The following PRKG1 variants were observed in gnomAD, a reference collection of about 807,000 sequenced individuals.
PRKG1 encodes protein kinase cGMP-dependent 1, also known as cGMP-dependent protein kinase 1.
PRKG1 carries 35 observed loss-of-function variants against 88.1 expected under a neutral mutation model. The ratio of observed to expected loss-of-function variants is 0.40; its 90% CI spans 0.30 to 0.53. PRKG1 has a LOEUF of 0.53. PRKG1 is among the 20% of genes least tolerant of loss of function. The probability of loss-of-function intolerance (pLI) is 0.59; values close to 1 mark genes in which losing one functional copy is unlikely to be tolerated. For missense variants in PRKG1, 540 were observed against 839.8 expected (o/e 0.64, Z 4.41); for synonymous variants, 303 against 292.5 (o/e 1.04, Z -0.37).
At chr10:51,402,245 G>A (rs1368431647) in intron 2 of PRKG1, among the ~76,000 whole-genome samples, 1 of 152,178 alleles carries the variant, frequency 6.6e-6, no homozygotes, top group Non-Finnish European at 1.5e-5. Flanking sequence ...TATGCTATAA[G>A]TCATAGATTA....
chr10:51,181,937 T>A (rs1457760682), intron 2 of PRKG1, among the ~76,000 whole-genome samples: 1 of 152,238 alleles, frequency 6.6e-6, no homozygotes, highest in Non-Finnish European at 1.5e-5. Context: ...TCATATTTTT[T>A]ACTGAAAAAC....
intron 14 of PRKG1, among the ~76,000 whole-genome samples, chr10:52,284,962 C>T (rs185630353): frequency 6.6e-6 from 1 of 152,164 alleles, no homozygotes; most frequent in East Asian, 1.9e-4. Context: ...AATAAATGAT[C>T]TGGTTATAAG....
intron 3 of PRKG1, among the ~76,000 whole-genome samples, chr10:51,477,939 C>G (rs1017710118): frequency 9.9e-5 from 15 of 152,142 alleles, no homozygotes; most frequent in African/African-American, 3.6e-4. Context: ...ATACCAAAAC[C>G]AAACTACAGG....
At chr10:51,453,464 C>T (rs1839496252) in intron 2 of PRKG1, among the ~76,000 whole-genome samples, 1 of 151,850 alleles carries the variant, frequency 6.6e-6, no homozygotes, top group African/African-American at 2.4e-5. Flanking sequence ...ATGAACTTTC[C>T]CCTTAGCACT....
intron 2 of PRKG1, among the ~76,000 whole-genome samples, chr10:51,334,862 G>A (rs1000102296): frequency 6.6e-6 from 1 of 152,084 alleles, no homozygotes; most frequent in African/African-American, 2.4e-5. Context: ...GTGCCTAAAA[G>A]GGAATGTAGG....
intron 9 of PRKG1, among the ~76,000 whole-genome samples, chr10:52,226,498 G>A (rs1486472018): frequency 1.3e-5 from 2 of 152,044 alleles, no homozygotes; most frequent in East Asian, 3.9e-4. Context: ...CAAAGGTGAT[G>A]TTTTACCAAC....
chr10:52,101,648 C>G (rs1226257041), intron 7 of PRKG1, among the ~76,000 whole-genome samples: 3 of 152,110 alleles, frequency 2.0e-5, no homozygotes, highest in Non-Finnish European at 1.5e-5. Flanking sequence ...TCAGACCAAC[C>G]CTATGAGGTA....
At chr10:51,722,680 C>A (rs1489337661) in intron 3 of PRKG1, among the ~76,000 whole-genome samples, 1 of 152,116 alleles carries the variant, frequency 6.6e-6, no homozygotes, top group African/African-American at 2.4e-5. Flanking sequence ...TCTATTCTTA[C>A]TGGAAAACCA....
chr10:51,167,278 G>A (rs1846573288), intron 2 of PRKG1, among the ~76,000 whole-genome samples: 1 of 151,992 alleles, frequency 6.6e-6, no homozygotes. Flanking sequence ...ATGACAAGAA[G>A]GAACCAAACA....
intron 3 of PRKG1, among the ~76,000 whole-genome samples, chr10:51,572,109 A>G (rs1381060889): frequency 6.6e-6 from 1 of 151,856 alleles, no homozygotes; most frequent in African/African-American, 2.4e-5. Flanking sequence ...AATTTTTTCA[A>G]AAAGCAATTT....
Position 52,010,131 on chromosome 10 carries a change from A to G in PRKG1, c.763-44353A>G, listed in dbSNP as rs565483915. ...AGAATGGGCAAAGATTTCATGACAA[A>G]GACACAAAAAGCAATTGCAAAAAAA... On this transcript the variant is annotated intron_variant, in intron 5 of 17. Transcript: ENST00000373980. Among the ~76,000 whole-genome samples the G allele has an allele frequency of 2.0e-5, 3 of 152,308 alleles. No homozygotes were observed. The East Asian group carries it at 5.8e-4, about 29-fold the overall frequency.
At chr10:51,857,922 G>A (rs1412925814) in intron 4 of PRKG1, among the ~76,000 whole-genome samples, 1 of 150,198 alleles carries the variant, frequency 6.7e-6, no homozygotes, top group African/African-American at 2.5e-5. Flanking sequence ...TATTTTTAGT[G>A]CTGAGGAAAA....
At chr10:51,313,578 CTG>C (rs1309911901) in intron 2 of PRKG1, among the ~76,000 whole-genome samples, 1 of 152,110 alleles carries the variant, frequency 6.6e-6, no homozygotes, top group Non-Finnish European at 1.5e-5. Flanking sequence ...AGGTTAAAGA[CTG>C]AGATGGAAAA....
intron 2 of PRKG1, among the ~76,000 whole-genome samples, chr10:51,270,723 C>T (rs1185633411): frequency 6.6e-6 from 1 of 152,102 alleles, no homozygotes; most frequent in Non-Finnish European, 1.5e-5. Flanking sequence ...GTGAGCTTCC[C>T]ATCCGATCTG....
intron 3 of PRKG1, among the ~76,000 whole-genome samples, chr10:51,506,500 C>A (rs1188628123): frequency 1.3e-5 from 2 of 152,184 alleles, no homozygotes; most frequent in Admixed American, 1.3e-4. Context: ...AGGATATGAA[C>A]AGATACTTCT....
intron 4 of PRKG1, among the ~76,000 whole-genome samples, chr10:51,894,317 G>A (rs932169131): frequency 1.3e-5 from 2 of 152,018 alleles, no homozygotes; most frequent in South Asian, 4.1e-4. Flanking sequence ...AGACACAAAC[G>A]GACAAATATT....
At chr10:51,674,134 A>G (rs1361856867) in intron 3 of PRKG1, among the ~76,000 whole-genome samples, 1 of 152,190 alleles carries the variant, frequency 6.6e-6, no homozygotes, top group Non-Finnish European at 1.5e-5. Context: ...TAGAATTTAA[A>G]TGGCCTATCT....
chr10:51,169,101 A>G (rs893993211), intron 2 of PRKG1, among the ~76,000 whole-genome samples: 6 of 152,212 alleles, frequency 3.9e-5, no homozygotes, highest in Non-Finnish European at 7.4e-5. Flanking sequence ...TTCAACCAGC[A>G]TTTTGGAGAG....
chr10:51,717,226 TG>T, intron 3 of PRKG1, among the ~76,000 whole-genome samples: 1 of 152,322 alleles, frequency 6.6e-6, no homozygotes, highest in East Asian at 1.9e-4. Flanking sequence ...TCCCCCTCTT[TG>T]CAGTCTCCTT....
Sources: allele counts gnomAD v4.1 joint callset (sites outside exome capture counted in the v4.1 genomes callset), GRCh38; gene constraint gnomAD v4.1.1; transcripts MANE v1.5; gene names NCBI Gene and HGNC (gene_info 2026-07-23, HGNC 2026-07-21).